The following JAK3 variants were observed in gnomAD, a reference collection of about 807,000 sequenced individuals.
The protein encoded by JAK3 is tyrosine-protein kinase JAK3.
Under a neutral mutation model 120.8 loss-of-function variants are expected in JAK3, and 88 were observed. The observed-to-expected ratio is 0.73, with a 90% CI of 0.61 to 0.87. JAK3 has a LOEUF of 0.87. Among genes scored for constraint, JAK3 ranks in the 40% least tolerant of loss-of-function variants. JAK3 has a pLI of 0.00. For synonymous variants in JAK3, 592 were observed against 628.6 expected, an observed-to-expected ratio of 0.94 and a Z score of 0.87; for missense variants, 1,254 against 1,501.4, an observed-to-expected ratio of 0.84 and a Z score of 2.72.
At chr19:17,840,190 C>T (rs186380640) in intron 9 of JAK3, 40 bp downstream of exon 9, 101 of 1,371,478 alleles carry the variant, frequency 7.4e-5, no homozygotes, top group Admixed American at 6.8e-4. Flanking sequence ...GTCACCTCCT[C>T]CAGGCAGCCC....
chr19:17,835,829 C>G, intron 14 of JAK3, 95 bp downstream of exon 14: 2 of 1,530,462 alleles, frequency 1.3e-6, no homozygotes, highest in Non-Finnish European at 1.8e-6. Context: ...TTACCAAACT[C>G]CTATGCATAC....
At position 17,843,259 on chromosome 19, in the gene JAK3, G is replaced by A. The variant is rs1248222283; in HGVS notation, c.421-87C>T. The A allele has an allele frequency of 1.3e-6, 2 of 1,544,498 alleles. No homozygotes were observed. Among genetic ancestry groups the A allele is most frequent in the Non-Finnish European group, 1.8e-6 (2 of 1,141,542 alleles). On this transcript the variant is annotated intron_variant, in intron 4 of 23. Coordinates refer to ENST00000458235, the MANE Select transcript of JAK3 (RefSeq NM_000215.4). This position sits in a 1 kb window ranked among gnomAD's most constrained non-coding sequence, Gnocchi z 5.4. Reference sequence around the variant, plus strand: ...CTGCAGACCCCCCCAATCCTGGGCTGACCCCCACCCCTGGACTGCCACAGG... The same window carrying A: ...CTGCAGACCCCCCCAATCCTGGGCTAACCCCCACCCCTGGACTGCCACAGG...
Position 17,841,798 on chromosome 19 carries a change from G to A in JAK3, c.862-36C>T. 1 of 1,598,914 alleles carries A rather than the reference G, an allele frequency of 6.3e-7. No homozygotes were observed. The highest frequency in any genetic ancestry group is 8.5e-7 in the Non-Finnish European group (1 of 1,179,664). ...GGGGGAGTACCGAAGTGGGGGCCCAGCTGGACCCCGCCAAACCACGCCCAT... is the reference window on the plus strand; with the variant it reads ...GGGGGAGTACCGAAGTGGGGGCCCAACTGGACCCCGCCAAACCACGCCCAT... On this transcript the variant is annotated intron_variant, in intron 6 of 23. Coordinates refer to ENST00000458235, the MANE Select transcript of JAK3 (RefSeq NM_000215.4). The surrounding 1 kb of genome is among the most constrained non-coding windows in gnomAD (Gnocchi z 4.1).
intron 14 of JAK3, 63 bp downstream of exon 14, chr19:17,835,861 C>G (rs1484457248): frequency 1.2e-6 from 2 of 1,606,320 alleles, no homozygotes; most frequent in Non-Finnish European, 1.7e-6. Flanking sequence ...CTCCCAATTC[C>G]TCTTCCACCC....
chr19:17,836,975 G>C lies in JAK3; in HGVS notation c.1786+154C>G, dbSNP rs1054999274. ...AGCCGCTTTCCAAGGAGTGATGATG[G>C]AGAGACATAAATAAAGGGTAATGAA... is the stretch of plus-strand genomic sequence containing the variant. On this transcript the variant is annotated intron_variant, in intron 13 of 23. Transcript: ENST00000458235. The C allele has an allele frequency of 1.0e-5, 7 of 700,766 alleles. No individual in the cohort carries two copies. The East Asian group carries it at 1.9e-4, about 19-fold the overall frequency. 43.4% of individuals were successfully genotyped at this position (700,766 alleles called of 1,614,324 possible). A position where few individuals can be genotyped will look rare whatever the true frequency, so the allele number is the denominator to read the frequency against.
chr19:17,826,625 G>A lies in JAK3; in HGVS notation c.*118C>T, dbSNP rs1217298987. 3 of 1,088,412 alleles carry A rather than the reference G, an allele frequency of 2.8e-6. No individual in the cohort carries two copies. The highest frequency in any genetic ancestry group is 1.7e-5 in the Admixed American group (1 of 59,028). The allele number at this position is 1,088,412 out of a possible 1,614,324, so 67.4% of individuals were successfully genotyped here. A position where few individuals can be genotyped will look rare whatever the true frequency, so the allele number is the denominator to read the frequency against. The stretch of plus-strand genomic sequence containing the variant: ...GCCCCCCCAAATGCAATGTCATGGG[G>A]GTGTTCCTGAAGTAGAGGACCCTCA... On this transcript the variant is annotated 3_prime_UTR_variant, in exon 24 of 24. Coordinates refer to ENST00000458235, the MANE Select transcript of JAK3 (RefSeq NM_000215.4).
At position 17,842,316 on chromosome 19, in the gene JAK3, C is replaced by T. The variant is rs1173501951; in HGVS notation, c.861G>A (p.Glu287=). 2 of 1,581,406 alleles carry T rather than the reference C, an allele frequency of 1.3e-6. No individual in the cohort carries two copies. Among genetic ancestry groups the T allele is most frequent in the East Asian group, 4.5e-5 (2 of 44,024 alleles). The change falls in exon 6 of 24, where the codon GAG becomes GAA. Residue 287 remains glutamate, a splice_region_variant and synonymous_variant. Coordinates refer to ENST00000458235, the MANE Select transcript of JAK3 (RefSeq NM_000215.4). The surrounding 1 kb of genome is among the most constrained non-coding windows in gnomAD (Gnocchi z 6.4). ...GCCCAGCGGGGGAGTCCGCCCTCAC[C>T]TCCTGTTCTCCCTGGGTCCAGGCGA... is the stretch of plus-strand genomic sequence containing the variant. ...GGIAWTQGEQ[E]VLQPFCDFPE...
chr19:17,825,354 T>C lies in JAK3; in HGVS notation c.*1389A>G. The stretch of plus-strand genomic sequence containing the variant: ...CGTGAAAAGTTCCTGCCAGGTTTGG[T>C]GTCATCCCTTTGTGCCCCTTGTAGG... On this transcript the variant is annotated 3_prime_UTR_variant, in exon 24 of 24. Coordinates refer to ENST00000458235, the MANE Select transcript of JAK3 (RefSeq NM_000215.4). 1 of 226,316 alleles carries C rather than the reference T, an allele frequency of 4.4e-6. No individual in the cohort carries two copies. The highest frequency in any genetic ancestry group is 8.8e-6 in the Non-Finnish European group (1 of 113,756). The allele number at this position is 226,316 out of a possible 1,614,324, so 14.0% of individuals were successfully genotyped here.
At chr19:17,836,132 C>T (rs1434417369) in intron 13 of JAK3, 81 bp from the exon 14 acceptor site, 76 of 1,540,028 alleles carry the variant, frequency 4.9e-5, no homozygotes, top group Non-Finnish European at 6.7e-5. Context: ...CCCTGGCTCT[C>T]AGGGTCTCTC....
Position 17,831,418 on chromosome 19 carries a change from G to A in JAK3, c.2806-18C>T. 2 of 1,600,634 alleles carry A rather than the reference G, an allele frequency of 1.2e-6. No individual in the cohort carries two copies. Among genetic ancestry groups the A allele is most frequent in the Non-Finnish European group, 8.5e-7 (1 of 1,179,662 alleles). ...TCCATGCCCTGCGGGCGGGCGGTGT[G>A]AGCGTGCAGAGAGGATCCCAGGATA... On this transcript the variant is annotated intron_variant, in intron 20 of 23. Coordinates refer to ENST00000458235, the MANE Select transcript of JAK3 (RefSeq NM_000215.4). This position sits in a 1 kb window ranked among gnomAD's most constrained non-coding sequence, Gnocchi z 5.1.
rs3212800 is a variant in JAK3 at position 17,826,605 on chromosome 19, C to G, written c.*138G>C. 3.1e-3 allele frequency: 2,938 copies of G among 960,158 alleles called. 60 individuals carry two copies. In the African/African-American group the frequency reaches 0.038, roughly 13 times the overall value. 59.5% of individuals were successfully genotyped at this position (960,158 alleles called of 1,614,324 possible). A position where few individuals can be genotyped will look rare whatever the true frequency, so the allele number is the denominator to read the frequency against. ...CTATTCTACAGGCCACGGGAGCCCC[C>G]CCAAATGCAATGTCATGGGGGTGTT... On this transcript the variant is annotated 3_prime_UTR_variant, in exon 24 of 24. Transcript: ENST00000458235.
chr19:17,831,289 G>C lies in JAK3; in HGVS notation c.2917C>G (p.Leu973Val). ...VKIADFGLAK[L>V]LPLDKDYYVV... ...TAGTAGTCTTTGTCAAGCGGCAGCAGCTTAGCTAGGCCGAAGTCAGCGATC... is the reference window on the plus strand; with the variant it reads ...TAGTAGTCTTTGTCAAGCGGCAGCACCTTAGCTAGGCCGAAGTCAGCGATC... Residue 973 changes from leucine (L) to valine (V), a missense_variant, in exon 21 of 24, where the codon CTG (leucine) becomes GTG (valine). Leu to Val is a conservative substitution (Grantham distance 32). Coordinates refer to ENST00000458235, the MANE Select transcript of JAK3 (RefSeq NM_000215.4). The surrounding 1 kb of genome is among the most constrained non-coding windows in gnomAD (Gnocchi z 5.1). 6.2e-7 allele frequency: 1 copy of C among 1,612,830 alleles called. No homozygotes were observed. The highest frequency in any genetic ancestry group is 8.5e-7 in the Non-Finnish European group (1 of 1,179,854).
chr19:17,841,482 C>A lies in JAK3; in HGVS notation c.1049G>T (p.Arg350Leu). The change falls in exon 8 of 24, where the codon CGG becomes CTG. Residue 350 changes from arginine (R) to leucine (L), a missense_variant. Transcript: ENST00000458235. The surrounding 1 kb of genome is among the most constrained non-coding windows in gnomAD (Gnocchi z 4.1). ...SFVALVDGYF[R>L]LTTDSQHFFC... ...GAAGTGCTGGGAGTCCGTGGTCAGC[C>A]GGAAGTAGCCGTCCACGAGCGCCAC... 1 of 1,565,258 alleles carries A rather than the reference C, an allele frequency of 6.4e-7. No homozygotes were observed. Among genetic ancestry groups the A allele is most frequent in the Admixed American group, 1.9e-5 (1 of 52,256 alleles).
Position 17,832,094 on chromosome 19 carries a change from T to C in JAK3, c.2681-296A>G, listed in dbSNP as rs2094215602. Among the ~76,000 whole-genome samples, 1 of 152,118 alleles carries C rather than the reference T, an allele frequency of 6.6e-6. No individual in the cohort carries two copies. The highest frequency in any genetic ancestry group is 2.4e-5 in the African/African-American group (1 of 41,410). On this transcript the variant is annotated intron_variant, in intron 19 of 23. Transcript: ENST00000458235. This position sits in a 1 kb window ranked among gnomAD's most constrained non-coding sequence, Gnocchi z 4.7. ...CTGGCCAACATGGTGAAAACCCATC[T>C]CCACTAAAAACACAAAAATTAGCCG...
chr19:17,838,712 ATTT>A (rs35486965), intron 10 of JAK3, among the ~76,000 whole-genome samples: 1,191 of 99,290 alleles, frequency 0.012, 23 homozygotes, highest in African/African-American at 0.041. Context: ...TGCCCGGCTA[ATTT>A]TTTTTTTTTT....
intron 23 of JAK3, among the ~76,000 whole-genome samples, chr19:17,828,229 GTTTTGTT>G (rs1394241140): frequency 1.8e-4 from 1 of 5,518 alleles, no homozygotes; most frequent in East Asian, 0.028. Context: ...TTTTGTCTTT[GTTTTGTT>G]TTGTTTTGTT....
rs764401083 is a variant in JAK3 at position 17,836,016 on chromosome 19, T to A, written c.1822A>T (p.Ile608Leu). 1.2e-6 allele frequency: 2 copies of A among 1,613,970 alleles called. No homozygotes were observed. The part of the protein sequence containing the change: ...MVQEFVHLGA[I>L]DMYLRKRGHL... The stretch of plus-strand genomic sequence containing the variant: ...CCACGTTTTCGCAGATACATGTCTA[T>A]GGCCCCCAGGTGTACAAATTCCTGC... The change falls in exon 14 of 24, where the codon ATA (isoleucine) becomes TTA (leucine). Residue 608 changes from isoleucine to leucine, a missense_variant. Physicochemically the swap from Ile to Leu is conservative, Grantham distance 5 (BLOSUM62 2). Transcript: ENST00000458235.
In JAK3 at chr19:17,835,941, A is replaced by G; in HGVS notation, c.1897T>C (p.Tyr633His). Reference sequence around the variant, plus strand: ...GCACTCACCAGATAGTTGAGGGCGTAGGCCAGCTGTTTGACCACCTGCAGC... The same window carrying G: ...GCACTCACCAGATAGTTGAGGGCGTGGGCCAGCTGTTTGACCACCTGCAGC... ...WKLQVVKQLA[Y>H]ALNYLEDKGL... is the part of the protein sequence containing the mutation. The change falls in exon 14 of 24, where the codon TAC (tyrosine) becomes CAC (histidine). Residue 633 changes from tyrosine (Y) to histidine (H), a missense_variant. Coordinates refer to ENST00000458235, the MANE Select transcript of JAK3 (RefSeq NM_000215.4). 1 of 1,614,042 alleles carries G rather than the reference A, an allele frequency of 6.2e-7. No homozygotes were observed. The highest frequency in any genetic ancestry group is 1.1e-5 in the South Asian group (1 of 91,088).
In JAK3 at chr19:17,843,595, G is replaced by C. The variant is rs1278367463; in HGVS notation, c.309-104C>G. ...ACAGATTCTGCGGAGGCCTCACAGA[G>C]CCCAGCTTGTACCTTTAACTTGCTG... On this transcript the variant is annotated intron_variant, in intron 3 of 23. Transcript: ENST00000458235. The surrounding 1 kb of genome is among the most constrained non-coding windows in gnomAD (Gnocchi z 5.4). 4.3e-6 allele frequency: 5 copies of C among 1,164,152 alleles called. No homozygotes were observed. The highest frequency in any genetic ancestry group is 6.4e-6 in the Non-Finnish European group (5 of 779,900). The allele number at this position is 1,164,152 out of a possible 1,614,324, so 72.1% of individuals were successfully genotyped here.
Sources: allele counts gnomAD v4.1 joint callset (sites outside exome capture counted in the v4.1 genomes callset), GRCh38; gene constraint gnomAD v4.1.1; non-coding constraint Gnocchi (gnomAD v3.1); transcripts MANE v1.5; gene names NCBI Gene and HGNC (gene_info 2026-07-23, HGNC 2026-07-21).